Variants in ADGRL3 observed in about 807,000 individuals in gnomAD.
The protein encoded by ADGRL3 is calcium-independent alpha-latrotoxin receptor 3.
A neutral mutation model predicts 153.5 loss-of-function variants in ADGRL3; 62 were observed. The ratio of observed to expected loss-of-function variants is 0.40; its 90% CI spans 0.33 to 0.50. The LOEUF (loss-of-function observed/expected upper bound fraction) is 0.50. Among genes scored for constraint, ADGRL3 ranks in the 20% least tolerant of loss-of-function variants. The pLI is 0.47. For missense variants in ADGRL3, 1,641 were observed against 1,859.4 expected, an observed-to-expected ratio of 0.88 and a Z score of 2.16; for synonymous variants, 710 against 672.5, an observed-to-expected ratio of 1.06 and a Z score of -0.86.
chr4:61,893,144 TTCTTTCTTTCC>T (rs1331532448), intron 10 of ADGRL3, among the ~76,000 whole-genome samples, 186 bp downstream of exon 10: 2 of 151,746 alleles, frequency 1.3e-5, no homozygotes, highest in African/African-American at 4.8e-5. Flanking sequence ...TCTTTCTTCT[TTCTTTCTTTCC>T]TCTTTCTTTT....
intron 21 of ADGRL3, among the ~76,000 whole-genome samples, chr4:62,003,111 C>T (rs200163871): frequency 1.3e-4 from 20 of 152,182 alleles, no homozygotes; most frequent in African/African-American, 3.9e-4. Context: ...CATTTTAAGA[C>T]GTAGAAAAGA....
In ADGRL3 at chr4:61,433,146, G is replaced by A. The variant is rs548936124; in HGVS notation, c.-174+49957G>A. ...ATGTTATGGGCTCATTATATATAAAGACTATGTCTATTTTCTTATTTTCGT... is the reference window on the plus strand; with the variant it reads ...ATGTTATGGGCTCATTATATATAAAAACTATGTCTATTTTCTTATTTTCGT... On this transcript the variant is annotated intron_variant, in intron 2 of 26. Transcript: ENST00000683033. 3.3e-5 allele frequency among the ~76,000 whole-genome samples: 5 copies of A among 152,180 alleles called. No individual in the cohort carries two copies. In the East Asian group the frequency reaches 7.7e-4, roughly 24 times the overall value.
In ADGRL3 at chr4:62,044,502, C is replaced by A; in HGVS notation, c.3767C>A (p.Ser1256Tyr). The A allele has an allele frequency of 5.0e-6, 8 of 1,598,686 alleles. No individual in the cohort carries two copies. Among genetic ancestry groups the A allele is most frequent in the Non-Finnish European group, 6.8e-6 (8 of 1,172,128 alleles). ...WNDTVRKQSE[S>Y]SFITGDINSS... ...GACACGGTTCGAAAGCAGTCAGAGT[C>A]TTCCTTTATTACTGGAGACATAAAC... Residue 1256 changes from serine to tyrosine, a missense_variant, in exon 25 of 27, where the codon TCT becomes TAT. Ser to Tyr is a moderately radical substitution (Grantham distance 144). Coordinates refer to ENST00000683033, the MANE Select transcript of ADGRL3 (RefSeq NM_001387552.1).
chr4:61,703,180 C>T (rs1006023012), intron 6 of ADGRL3, among the ~76,000 whole-genome samples: 1 of 152,034 alleles, frequency 6.6e-6, no homozygotes, highest in Non-Finnish European at 1.5e-5. Context: ...CTCAGTTTCC[C>T]TGTCAGTAAA....
At chr4:61,206,251 A>G (rs1231598932) in intron 1 of ADGRL3, among the ~76,000 whole-genome samples, 2 of 152,234 alleles carry the variant, frequency 1.3e-5, no homozygotes, top group East Asian at 1.9e-4. Context: ...AATTTGGTCC[A>G]TATTATTCAA....
At chr4:61,689,570 G>T (rs1352471289) in intron 6 of ADGRL3, among the ~76,000 whole-genome samples, 1 of 152,092 alleles carries the variant, frequency 6.6e-6, no homozygotes, top group Non-Finnish European at 1.5e-5. Context: ...TTTCCAAAGT[G>T]ATTTTTCTAT....
chr4:61,715,106 T>C (rs1054231266), intron 6 of ADGRL3, among the ~76,000 whole-genome samples: 1 of 152,216 alleles, frequency 6.6e-6, no homozygotes, highest in African/African-American at 2.4e-5. Context: ...TAACATATTA[T>C]CTACCTTCTT....
At chr4:61,714,439 A>C (rs897032125) in intron 6 of ADGRL3, among the ~76,000 whole-genome samples, 2 of 152,078 alleles carry the variant, frequency 1.3e-5, no homozygotes, top group African/African-American at 2.4e-5. Context: ...CCCTTGGCCC[A>C]ATTCTGATTT....
At chr4:62,016,761 A>T (rs1434640837) in intron 21 of ADGRL3, among the ~76,000 whole-genome samples, 1 of 152,126 alleles carries the variant, frequency 6.6e-6, no homozygotes, top group Non-Finnish European at 1.5e-5. Flanking sequence ...TACATTAAAT[A>T]TATGGATTAT....
chr4:62,024,789 G>C (rs1717397898), intron 21 of ADGRL3, among the ~76,000 whole-genome samples: 1 of 151,918 alleles, frequency 6.6e-6, no homozygotes, highest in South Asian at 2.1e-4. Flanking sequence ...AATTAGCCTG[G>C]TGTGGTGGTA....
chr4:62,044,026 C>G (rs1729762197), intron 24 of ADGRL3, among the ~76,000 whole-genome samples: 1 of 151,918 alleles, frequency 6.6e-6, no homozygotes, highest in Non-Finnish European at 1.5e-5. Context: ...ATTTCTTAAA[C>G]TAAATCTTTT....
At chr4:61,841,132 C>T (rs764162105) in intron 9 of ADGRL3, among the ~76,000 whole-genome samples, 2 of 152,264 alleles carry the variant, frequency 1.3e-5, no homozygotes, top group East Asian at 1.9e-4. Flanking sequence ...TTTCTTTCTT[C>T]GTCTCTTGCC....
intron 5 of ADGRL3, among the ~76,000 whole-genome samples, chr4:61,673,777 A>G (rs1388716599): frequency 2.0e-5 from 3 of 151,108 alleles, no homozygotes; most frequent in African/African-American, 2.4e-5. Context: ...ACCTTTTTCC[A>G]TTTTATTTTT....
At position 61,366,092 on chromosome 4, in the gene ADGRL3, T is replaced by C. The variant is rs145659954; in HGVS notation, c.-239-17032T>C. Among the ~76,000 whole-genome samples the C allele has an allele frequency of 5.9e-5, 9 of 152,208 alleles. No homozygotes were observed. In the East Asian group the frequency reaches 1.4e-3, roughly 23 times the overall value. On this transcript the variant is annotated intron_variant, in intron 1 of 26. Transcript: ENST00000683033. ...ATATGCTAGATCCTTTCCTTGAAAA[T>C]AGTAGATTAGTTTTAGGGAAAATTT...
At chr4:61,561,160 G>C (rs1330284294) in intron 4 of ADGRL3, among the ~76,000 whole-genome samples, 1 of 152,048 alleles carries the variant, frequency 6.6e-6, no homozygotes, top group African/African-American at 2.4e-5. Context: ...AGTTCTATTA[G>C]GATGCAATGC....
intron 1 of ADGRL3, among the ~76,000 whole-genome samples, chr4:61,343,541 A>G (rs898964777): frequency 6.6e-6 from 1 of 152,100 alleles, no homozygotes; most frequent in African/African-American, 2.4e-5. Context: ...TAGCTATATA[A>G]CCTGTGGCAA....
intron 3 of ADGRL3, among the ~76,000 whole-genome samples, chr4:61,504,727 T>C (rs370677266): frequency 5.9e-5 from 9 of 152,200 alleles, no homozygotes; most frequent in East Asian, 3.8e-4. Flanking sequence ...ATATTTTTTT[T>C]ATTTCTCATA....
At chr4:61,547,719 A>G (rs1269844109) in intron 4 of ADGRL3, among the ~76,000 whole-genome samples, 3 of 152,082 alleles carry the variant, frequency 2.0e-5, no homozygotes, top group Admixed American at 6.6e-5. Flanking sequence ...GAATATACAC[A>G]TGAATGTCTT....
intron 5 of ADGRL3, among the ~76,000 whole-genome samples, chr4:61,592,443 A>C (rs1393639997): frequency 1.3e-5 from 2 of 152,302 alleles, no homozygotes; most frequent in East Asian, 3.9e-4. Context: ...TTGAATCCAC[A>C]TTCTATGTAA....
Sources: gnomAD v4.1 joint callset for allele counts (sites outside exome capture counted in the v4.1 genomes callset) on GRCh38, gnomAD v4.1.1 for gene constraint, MANE v1.5 for transcripts, NCBI Gene and HGNC (gene_info 2026-07-23, HGNC 2026-07-21) for gene names.